The following ADAMTS8 variants were observed in gnomAD, a reference collection of about 807,000 sequenced individuals.
The protein encoded by ADAMTS8 is ADAM metallopeptidase with thrombospondin type 1 motif 8, also known as A disintegrin and metalloproteinase with thrombospondin motifs 8.
ADAMTS8 carries 50 observed loss-of-function variants against 64.4 expected under a neutral mutation model. The observed-to-expected ratio is 0.78, with a 90% CI of 0.62 to 0.98. ADAMTS8 has a LOEUF of 0.98. ADAMTS8 is among the 50% of genes least tolerant of loss of function. ADAMTS8 has a pLI of 0.00. For missense variants in ADAMTS8, 1,192 were observed against 1,208.2 expected, an observed-to-expected ratio of 0.99 and a Z score of 0.20; for synonymous variants, 556 against 533.6, an observed-to-expected ratio of 1.04 and a Z score of -0.58.
At chr11:130,412,358 T>C (rs556506577) in intron 5 of ADAMTS8, among the ~76,000 whole-genome samples, 2 of 152,156 alleles carry the variant, frequency 1.3e-5, no homozygotes, top group East Asian at 3.9e-4. Flanking sequence ...GGATTACAGG[T>C]GCACACCTCC....
Position 130,428,112 on chromosome 11 carries a change from C to T in ADAMTS8, c.175G>A (p.Ala59Thr). The part of the protein sequence containing the change: ...SAGELALHLS[A>T]FGKGFVLRLA... ...CGCAGCACGAAGCCCTTGCCGAAGG[C>T]GGACAGGTGGAGCGCGAGCTCGCCC... The change falls in exon 1 of 9, where the codon GCC becomes ACC. Residue 59 changes from alanine to threonine, a missense_variant. By Grantham distance (58) the Ala-to-Thr change is moderately conservative (BLOSUM62 0). Transcript: ENST00000257359. The T allele has an allele frequency of 2.0e-6, 3 of 1,529,570 alleles. No individual in the cohort carries two copies. The highest frequency in any genetic ancestry group is 2.6e-6 in the Non-Finnish European group (3 of 1,147,670). The allele number at this position is 1,529,570 out of a possible 1,614,324, so 94.7% of individuals were successfully genotyped here.
At chr11:130,426,547 AG>A (rs1227557937) in intron 1 of ADAMTS8, among the ~76,000 whole-genome samples, 1 of 152,098 alleles carries the variant, frequency 6.6e-6, no homozygotes, top group Non-Finnish European at 1.5e-5. Context: ...TGTGCTCCCT[AG>A]GGGCAAAGAG....
At chr11:130,406,160 C>T (rs1289533035) in intron 8 of ADAMTS8, 32 bp from the exon 9 acceptor site, 2 of 1,578,984 alleles carry the variant, frequency 1.3e-6, no homozygotes, top group Middle Eastern at 1.7e-4. Flanking sequence ...ACCCTTAGAC[C>T]AGTGGCTGCC....
At position 130,428,140 on chromosome 11, in the gene ADAMTS8, G is replaced by A. The variant is rs1196651564; in HGVS notation, c.147C>T (p.Ser49=). 2.0e-6 allele frequency: 3 copies of A among 1,491,400 alleles called. No individual in the cohort carries two copies. Among genetic ancestry groups the A allele is most frequent in the Admixed American group, 2.2e-5 (1 of 44,464 alleles). The allele number at this position is 1,491,400 out of a possible 1,614,324, so 92.4% of individuals were successfully genotyped here. ...ELVVPTRLPG[S]AGELALHLSA... is the part of the protein sequence containing the mutation. ...ACAGGTGGAGCGCGAGCTCGCCCGCGCTGCCGGGCAACCGCGTGGGCACCA... is the reference window on the plus strand; with the variant it reads ...ACAGGTGGAGCGCGAGCTCGCCCGCACTGCCGGGCAACCGCGTGGGCACCA... The change falls in exon 1 of 9, where the codon AGC becomes AGT. Residue 49 remains serine (S), a synonymous_variant. Coordinates refer to ENST00000257359, the MANE Select transcript of ADAMTS8 (RefSeq NM_007037.6).
In ADAMTS8 at chr11:130,414,757, T is replaced by C; in HGVS notation, c.1340A>G (p.Gln447Arg). The change falls in exon 5 of 9, where the codon CAG (glutamine) becomes CGG (arginine). Residue 447 changes from glutamine to arginine, a missense_variant. By Grantham distance (43) the Gln-to-Arg change is conservative (BLOSUM62 1). Coordinates refer to ENST00000257359, the MANE Select transcript of ADAMTS8 (RefSeq NM_007037.6). ...GATCTGCCTGCACTGCTGGTCCAGCTGGTACAGGGCCATGCGGCCCGGGAG... is the reference window on the plus strand; with the variant it reads ...GATCTGCCTGCACTGCTGGTCCAGCCGGTACAGGGCCATGCGGCCCGGGAG... The part of the protein sequence containing the change: ...TGLPGRMALY[Q>R]LDQQCRQIFG... The C allele has an allele frequency of 6.2e-7, 1 of 1,613,474 alleles. No homozygotes were observed. Among genetic ancestry groups the C allele is most frequent in the Non-Finnish European group, 8.5e-7 (1 of 1,180,008 alleles).
chr11:130,424,379 C>T (rs1034444720), intron 1 of ADAMTS8, among the ~76,000 whole-genome samples: 2 of 152,200 alleles, frequency 1.3e-5, no homozygotes, highest in Admixed American at 6.5e-5. Context: ...TGTAAAACCA[C>T]GCTGTGAATT....
chr11:130,408,905 T>TA lies in ADAMTS8; in HGVS notation c.1785dup (p.Asn596Ter). On this transcript the variant is annotated frameshift_variant, in exon 7 of 9. Transcript: ENST00000257359. LOFTEE classifies it high-confidence loss of function. ...TCCATGTCAGTGTAATTGTAGGCAT[T>TA]ATACTTCTCACACTGCTGCTCCCTG... is the stretch of plus-strand genomic sequence containing the variant. The TA allele has an allele frequency of 6.3e-7, 1 of 1,590,836 alleles. No individual in the cohort carries two copies. Among genetic ancestry groups the TA allele is most frequent in the Non-Finnish European group, 8.6e-7 (1 of 1,167,986 alleles).
intron 1 of ADAMTS8, among the ~76,000 whole-genome samples, chr11:130,421,549 G>A (rs1321852569): frequency 6.6e-6 from 1 of 152,192 alleles, no homozygotes; most frequent in Admixed American, 6.5e-5. Context: ...GGATTCTGTG[G>A]TCCAGTGTTC....
At chr11:130,417,755 G>A (rs1862046430) in intron 2 of ADAMTS8, among the ~76,000 whole-genome samples, 1 of 152,130 alleles carries the variant, frequency 6.6e-6, no homozygotes, top group Non-Finnish European at 1.5e-5. Flanking sequence ...AGACGCAACA[G>A]CAGTTTCAAC....
At chr11:130,413,564 A>G (rs951193108) in intron 5 of ADAMTS8, among the ~76,000 whole-genome samples, 3 of 152,226 alleles carry the variant, frequency 2.0e-5, no homozygotes, top group Admixed American at 6.5e-5. Flanking sequence ...AAATGCGATC[A>G]GCCTCACAGT....
At position 130,416,364 on chromosome 11, in the gene ADAMTS8, C is replaced by T; in HGVS notation, c.1097-34G>A. ...AGAGGCCTGGTCCACTCCGCCCTGT[C>T]CTGCCTGAGGGCGCCCCACCTGGCC... is the stretch of plus-strand genomic sequence containing the variant. On this transcript the variant is annotated intron_variant, in intron 3 of 8. Transcript: ENST00000257359. This position sits in a 1 kb window ranked among gnomAD's most constrained non-coding sequence, Gnocchi z 4.8. The T allele has an allele frequency of 1.3e-6, 2 of 1,518,828 alleles. No homozygotes were observed. Among genetic ancestry groups the T allele is most frequent in the Non-Finnish European group, 1.8e-6 (2 of 1,128,534 alleles). The allele number at this position is 1,518,828 out of a possible 1,614,324, so 94.1% of individuals were successfully genotyped here.
chr11:130,409,706 C>T (rs1861929693), intron 6 of ADAMTS8, among the ~76,000 whole-genome samples: 1 of 152,224 alleles, frequency 6.6e-6, no homozygotes, highest in Non-Finnish European at 1.5e-5. Flanking sequence ...GTGCCTGCCT[C>T]CTCTCCATCC....
At position 130,408,650 on chromosome 11, in the gene ADAMTS8, G is replaced by A. The variant is rs963875678; in HGVS notation, c.1924-11C>T. On this transcript the variant is annotated splice_polypyrimidine_tract_variant and intron_variant, in intron 7 of 8. Transcript: ENST00000257359. The stretch of plus-strand genomic sequence containing the variant: ...GGTGCCATCAATCACCTGCAACGGG[G>A]AAAGGGAAGGTGAGGGAGGGCGTGT... 17 of 1,613,796 alleles carry A rather than the reference G, an allele frequency of 1.1e-5. No individual in the cohort carries two copies. Among genetic ancestry groups the A allele is most frequent in the Non-Finnish European group, 1.4e-5 (17 of 1,179,744 alleles).
rs1256272847 is a variant in ADAMTS8, at chr11:130,427,720, C to T, written c.567G>A (p.Glu189=). The T allele has an allele frequency of 6.3e-7, 1 of 1,595,036 alleles. No homozygotes were observed. Among genetic ancestry groups the T allele is most frequent in the South Asian group, 1.1e-5 (1 of 87,844 alleles). Reference sequence around the variant, plus strand: ...CGCCTTCTGCCTCCTCTTCTTGGCTCTCCTCCTCGCTGTCCTCCTGGTGGT... The same window carrying T: ...CGCCTTCTGCCTCCTCTTCTTGGCTTTCCTCCTCGCTGTCCTCCTGGTGGT... The part of the protein sequence containing the change: ...RGDHQEDSEE[E]SQEEEAEGAS... The change falls in exon 1 of 9, where the codon GAG becomes GAA. Residue 189 remains glutamate (E), a synonymous_variant. Coordinates refer to ENST00000257359, the MANE Select transcript of ADAMTS8 (RefSeq NM_007037.6).
At chr11:130,421,186 C>G (rs979564732) in intron 1 of ADAMTS8, among the ~76,000 whole-genome samples, 1 of 152,204 alleles carries the variant, frequency 6.6e-6, no homozygotes, top group Non-Finnish European at 1.5e-5. Flanking sequence ...TGGGGCAAGT[C>G]TGTGTGCCCA....
intron 8 of ADAMTS8, 140 bp from the exon 9 acceptor site, chr11:130,406,268 G>A (rs1861884019): frequency 9.4e-7 from 1 of 1,066,638 alleles, no homozygotes; most frequent in African/African-American, 1.6e-5. Context: ...TTGCCTCAAA[G>A]TTCTCAATAA....
At chr11:130,414,494 T>C in intron 5 of ADAMTS8, 37 bp downstream of exon 5, 1 of 1,541,856 alleles carries the variant, frequency 6.5e-7, no homozygotes, top group Non-Finnish European at 8.8e-7. Context: ...TTGTTTCTCC[T>C]TTCCCCTCCC....
At chr11:130,407,516 T>G (rs1290553229) in intron 8 of ADAMTS8, among the ~76,000 whole-genome samples, 1 of 152,056 alleles carries the variant, frequency 6.6e-6, no homozygotes, top group African/African-American at 2.4e-5. Context: ...GGGGCAGGGT[T>G]TGCGAGCTTC....
intron 6 of ADAMTS8, among the ~76,000 whole-genome samples, chr11:130,409,147 G>T (rs113465327): frequency 6.6e-6 from 1 of 152,280 alleles, no homozygotes; most frequent in East Asian, 1.9e-4. Context: ...GCCTCCAGCC[G>T]CATGCTGGGC....
Sources: allele counts gnomAD v4.1 joint callset (sites outside exome capture counted in the v4.1 genomes callset), GRCh38; gene constraint gnomAD v4.1.1; non-coding constraint Gnocchi (gnomAD v3.1); transcripts MANE v1.5; gene names NCBI Gene and HGNC (gene_info 2026-07-23, HGNC 2026-07-21).